ALPK2: variants seen among roughly 807,000 people sequenced by gnomAD.
ALPK2 encodes alpha kinase 2.
Under a neutral mutation model 163.1 loss-of-function variants are expected in ALPK2, and 127 were observed. That is an observed-to-expected ratio of 0.78 (90% CI 0.67 to 0.90). The LOEUF is 0.90. ALPK2 is among the 40% of genes least tolerant of loss of function. The pLI is 0.00. For missense variants in ALPK2, 2,360 were observed against 2,589.6 expected, an observed-to-expected ratio of 0.91 and a Z score of 1.92; for synonymous variants, 953 against 959.1, an observed-to-expected ratio of 0.99 and a Z score of 0.12.
chr18:58,484,116 C>A lies in ALPK2; in HGVS notation c.6297-2077G>T, dbSNP rs1309608196. Among the ~76,000 whole-genome samples, 4 of 152,106 alleles carry A rather than the reference C, an allele frequency of 2.6e-5. No individual in the cohort carries two copies. In the South Asian group the frequency reaches 8.3e-4, roughly 32 times the overall value. On this transcript the variant is annotated intron_variant, in intron 12 of 12. Coordinates refer to ENST00000361673, the MANE Select transcript of ALPK2 (RefSeq NM_052947.4). ...TGCTTAGTAAATGGCAGAAGCTCAA[C>A]AAATAGAGGATGATTGAAAAAAGAG... is the stretch of plus-strand genomic sequence containing the variant.
intron 3 of ALPK2, among the ~76,000 whole-genome samples, chr18:58,602,127 G>A (rs922015159): frequency 1.3e-5 from 2 of 152,142 alleles, no homozygotes; most frequent in Non-Finnish European, 2.9e-5. Context: ...TGAATTTGGG[G>A]CAGAGTTGAA....
chr18:58,598,434 C>T (rs536081737), intron 3 of ALPK2, among the ~76,000 whole-genome samples: 1 of 152,168 alleles, frequency 6.6e-6, no homozygotes, highest in Non-Finnish European at 1.5e-5. Context: ...CACAGTGGTT[C>T]ATGGAGAACT....
chr18:58,534,781 AC>A (rs2051634078), intron 5 of ALPK2, 52 bp downstream of exon 5: 5 of 1,540,094 alleles, frequency 3.2e-6, no homozygotes, highest in Non-Finnish European at 4.3e-6. Context: ...GGAACTGGAT[AC>A]CTGGTCTACA....
chr18:58,565,112 G>A (rs1176520192), intron 4 of ALPK2, among the ~76,000 whole-genome samples: 2 of 152,142 alleles, frequency 1.3e-5, no homozygotes, highest in Non-Finnish European at 2.9e-5. Context: ...ATTCTATGTT[G>A]TTTTGAAGCA....
chr18:58,621,416 CG>C (rs1656373055), intron 1 of ALPK2, among the ~76,000 whole-genome samples: 1 of 151,748 alleles, frequency 6.6e-6, no homozygotes, highest in Non-Finnish European at 1.5e-5. Context: ...GAACTACAGG[CG>C]CCCGCCACAA....
chr18:58,624,882 C>T (rs572933769), intron 1 of ALPK2, among the ~76,000 whole-genome samples: 26 of 152,266 alleles, frequency 1.7e-4, no homozygotes, highest in African/African-American at 5.8e-4. Context: ...ATCAAGTTAC[C>T]GACAGAAGTA....
intron 1 of ALPK2, among the ~76,000 whole-genome samples, chr18:58,612,406 C>G (rs1444555523): frequency 2.0e-5 from 3 of 152,220 alleles, no homozygotes; most frequent in Non-Finnish European, 4.4e-5. Flanking sequence ...TTCTGAGCAC[C>G]AGGTGGGTGC....
intron 2 of ALPK2, among the ~76,000 whole-genome samples, chr18:58,607,908 T>G (rs1269271620): frequency 6.6e-6 from 1 of 152,210 alleles, no homozygotes; most frequent in Non-Finnish European, 1.5e-5. Context: ...TGCAAATAAT[T>G]TCCATCTAGG....
Position 58,535,178 on chromosome 18 carries a change from T to A in ALPK2, c.5009A>T (p.Gln1670Leu). 6.2e-7 allele frequency: 1 copy of A among 1,614,092 alleles called. No homozygotes were observed. The highest frequency in any genetic ancestry group is 8.5e-7 in the Non-Finnish European group (1 of 1,180,012). The change falls in exon 5 of 13, where the codon CAG (glutamine) becomes CTG (leucine). Residue 1670 changes from glutamine to leucine, a missense_variant. Coordinates refer to ENST00000361673, the MANE Select transcript of ALPK2 (RefSeq NM_052947.4). ...RELEKAPKLL[Q>L]DPCQKGTLGC... ...CAGGGTGCCCTTTTGACATGGATCC[T>A]GCAGTAATTTAGGGGCTTTCTCTAA...
chr18:58,565,067 G>A (rs986868727), intron 4 of ALPK2, among the ~76,000 whole-genome samples: 7 of 152,056 alleles, frequency 4.6e-5, no homozygotes, highest in South Asian at 2.1e-4. Flanking sequence ...AAATTGTATC[G>A]TATTGTATGT....
At chr18:58,508,590 C>T (rs2051473247) in intron 10 of ALPK2, among the ~76,000 whole-genome samples, 1 of 152,216 alleles carries the variant, frequency 6.6e-6, no homozygotes, top group Non-Finnish European at 1.5e-5. Context: ...TACACTCCCA[C>T]CAGTGCCATA....
At chr18:58,483,733 T>G (rs1413914739) in intron 12 of ALPK2, among the ~76,000 whole-genome samples, 1 of 149,654 alleles carries the variant, frequency 6.7e-6, no homozygotes, top group Non-Finnish European at 1.5e-5. Context: ...TGTATTTTTT[T>G]TTTTTTTTTT....
At chr18:58,499,326 A>G (rs1362579194) in intron 11 of ALPK2, among the ~76,000 whole-genome samples, 1 of 152,188 alleles carries the variant, frequency 6.6e-6, no homozygotes, top group Non-Finnish European at 1.5e-5. Context: ...CCAGGGAGGC[A>G]AAGGGAATAG....
At chr18:58,618,685 TG>T (rs1305960741) in intron 1 of ALPK2, among the ~76,000 whole-genome samples, 1 of 152,260 alleles carries the variant, frequency 6.6e-6, no homozygotes, top group Non-Finnish European at 1.5e-5. Flanking sequence ...TCTCTCAAAT[TG>T]TTGTAGAACA....
At chr18:58,617,836 C>A (rs2144238536) in intron 1 of ALPK2, among the ~76,000 whole-genome samples, 1 of 152,316 alleles carries the variant, frequency 6.6e-6, no homozygotes, top group African/African-American at 2.4e-5. Context: ...TCTCTATCAG[C>A]TTTTGAAAGC....
rs772408581 is a variant in ALPK2 at position 58,580,135 on chromosome 18, C to G, written c.641G>C (p.Gly214Ala). The change falls in exon 4 of 13, where the codon GGG becomes GCG. Residue 214 changes from glycine to alanine, a missense_variant. Transcript: ENST00000361673. ...DPSNTEEIAN[G>A]LLFLNSSHIY... The stretch of plus-strand genomic sequence containing the variant: ...ATGACTTGAATTAAGAAAAAGCAAC[C>G]CATTTGCAATTTCTTCTGTGTTACT... 1 of 1,614,188 alleles carries G rather than the reference C, an allele frequency of 6.2e-7. No individual in the cohort carries two copies. The highest frequency in any genetic ancestry group is 2.2e-5 in the East Asian group (1 of 44,890).
At position 58,578,794 on chromosome 18, in the gene ALPK2, C is replaced by G; in HGVS notation, c.1962+20G>C. ...CACGGTTCTTTTTATCTCGTAATTTCTTTAAAAGAAAAGTCTTACCTGAGG... is the reference window on the plus strand; with the variant it reads ...CACGGTTCTTTTTATCTCGTAATTTGTTTAAAAGAAAAGTCTTACCTGAGG... On this transcript the variant is annotated intron_variant, in intron 4 of 12. Transcript: ENST00000361673. The G allele has an allele frequency of 6.4e-7, 1 of 1,551,178 alleles. No individual in the cohort carries two copies. Among genetic ancestry groups the G allele is most frequent in the African/African-American group, 1.5e-5 (1 of 67,046 alleles).
intron 11 of ALPK2, among the ~76,000 whole-genome samples, chr18:58,499,949 AGACAGCTAAAGGATTAATGCTCG>A (rs1257801184): frequency 1.3e-5 from 2 of 152,270 alleles, no homozygotes; most frequent in Non-Finnish European, 2.9e-5. Context: ...GCCCAGGAAA[AGACAGCTAAAGGATTAATGCTCG>A]GATTCAGCGT....
chr18:58,610,893 A>C (rs1274436285), intron 2 of ALPK2, among the ~76,000 whole-genome samples: 2 of 152,084 alleles, frequency 1.3e-5, no homozygotes, highest in Non-Finnish European at 2.9e-5. Context: ...TCAGGAGTTC[A>C]AGACCAGCCT....
Sources: gnomAD v4.1 joint callset for allele counts (sites outside exome capture counted in the v4.1 genomes callset) on GRCh38, gnomAD v4.1.1 for gene constraint, MANE v1.5 for transcripts, NCBI Gene and HGNC (gene_info 2026-07-23, HGNC 2026-07-21) for gene names.